Variants in PCDH15 observed in about 807,000 individuals in gnomAD.
PCDH15 encodes protocadherin related 15.
Under a neutral mutation model 178.5 loss-of-function variants are expected in PCDH15, and 129 were observed. That is an observed-to-expected ratio of 0.72 (90% CI 0.63 to 0.84). The LOEUF (loss-of-function observed/expected upper bound fraction) is 0.84. Ranked by LOEUF, PCDH15 falls within the 40% of genes least tolerant of loss-of-function variation. The pLI, the probability that PCDH15 is intolerant of heterozygous loss-of-function variation, is 0.00. For synonymous variants in PCDH15, 800 were observed against 732.0 expected, an observed-to-expected ratio of 1.09 and a Z score of -1.50; for missense variants, 2,230 against 2,099.9, an observed-to-expected ratio of 1.06 and a Z score of -1.21.
At chr10:54,187,735 TTTAG>T (rs2048605159) in intron 11 of PCDH15, among the ~76,000 whole-genome samples, 3 of 151,874 alleles carry the variant, frequency 2.0e-5, no homozygotes, top group Admixed American at 2.0e-4. Flanking sequence ...TTCTGTTTTG[TTTAG>T]TTAATCTCTG....
intron 1 of PCDH15, among the ~76,000 whole-genome samples, chr10:55,237,711 T>C (rs911629164): frequency 1.3e-5 from 2 of 152,124 alleles, no homozygotes; most frequent in Non-Finnish European, 2.9e-5. Flanking sequence ...ATGATACTTA[T>C]TATGCCTTAT....
At chr10:54,644,118 T>C (rs951698076) in intron 2 of PCDH15, among the ~76,000 whole-genome samples, 56 of 150,834 alleles carry the variant, frequency 3.7e-4, no homozygotes, top group African/African-American at 1.3e-3. Context: ...GATTTCCAAT[T>C]TCATCCATGT....
At chr10:54,345,104 T>A (rs1943027280) in intron 6 of PCDH15, among the ~76,000 whole-genome samples, 1 of 151,686 alleles carries the variant, frequency 6.6e-6, no homozygotes, top group Non-Finnish European at 1.5e-5. Context: ...GAAGTAGTTT[T>A]CTAATATGAC....
At chr10:54,961,122 A>T (rs1322008367) in intron 2 of PCDH15, among the ~76,000 whole-genome samples, 1 of 152,242 alleles carries the variant, frequency 6.6e-6, no homozygotes, top group East Asian at 1.9e-4. Flanking sequence ...CAGTGATGCC[A>T]GCTGCAGTGT....
At chr10:54,972,158 C>A (rs1027839269) in intron 2 of PCDH15, among the ~76,000 whole-genome samples, 1 of 152,138 alleles carries the variant, frequency 6.6e-6, no homozygotes, top group African/African-American at 2.4e-5. Context: ...CAAGATACAC[C>A]AAATTATAAA....
intron 15 of PCDH15, among the ~76,000 whole-genome samples, chr10:54,103,233 G>A (rs1272399906): frequency 6.6e-6 from 1 of 152,174 alleles, no homozygotes; most frequent in Non-Finnish European, 1.5e-5. Context: ...AAGTAGGAAT[G>A]CAGTAGGCTT....
At chr10:55,212,637 TG>T (rs1263678027) in intron 1 of PCDH15, among the ~76,000 whole-genome samples, 8 of 152,048 alleles carry the variant, frequency 5.3e-5, no homozygotes, top group Non-Finnish European at 1.0e-4. Flanking sequence ...CAGTCAGGGA[TG>T]TTCCTGCTCT....
chr10:54,068,841 T>A (rs115643917), intron 17 of PCDH15, among the ~76,000 whole-genome samples: 1,668 of 152,224 alleles, frequency 0.011, 36 homozygotes, highest in African/African-American at 0.038. Flanking sequence ...TGTGCATTAG[T>A]CTGTGTGTTA....
chr10:55,112,421 T>C (rs559027279), intron 2 of PCDH15, among the ~76,000 whole-genome samples: 11 of 150,734 alleles, frequency 7.3e-5, no homozygotes, highest in South Asian at 2.1e-4. Context: ...AGCAGGAAAA[T>C]AGGAAAAATG....
At chr10:54,541,706 TCAAA>T (rs535800757) in intron 2 of PCDH15, among the ~76,000 whole-genome samples, 344 of 152,318 alleles carry the variant, frequency 2.3e-3, no homozygotes, top group African/African-American at 7.8e-3. Context: ...AAATTATTCA[TCAAA>T]CACTTTATGA....
intron 2 of PCDH15, among the ~76,000 whole-genome samples, chr10:55,529,099 T>A (rs1826569314): frequency 1.3e-5 from 2 of 152,132 alleles, no homozygotes; most frequent in Non-Finnish European, 2.9e-5. Context: ...GTAAATTTGT[T>A]TGAGTTCTTT....
chr10:55,242,515 C>T (rs1321451169), intron 1 of PCDH15, among the ~76,000 whole-genome samples: 1 of 152,022 alleles, frequency 6.6e-6, no homozygotes, highest in Admixed American at 6.6e-5. Context: ...TTTGTGTTTG[C>T]TTTCCTTTCA....
chr10:55,573,407 A>G (rs1039556151), intron 2 of PCDH15, among the ~76,000 whole-genome samples: 1 of 152,094 alleles, frequency 6.6e-6, no homozygotes, highest in Non-Finnish European at 1.5e-5. Context: ...GTCTTTCAAG[A>G]TGAAGCTTCT....
rs751844040 is a variant in PCDH15, at chr10:54,724,506, C to CAT, written c.-28-60218_-28-60217dup. Among the ~76,000 whole-genome samples the CAT allele has an allele frequency of 1.3e-3, 200 of 151,248 alleles. 2 individuals carry two copies. Among genetic ancestry groups the CAT allele is most frequent in the Non-Finnish European group, 2.2e-3 (149 of 67,670 alleles). Reference sequence around the variant, plus strand: ...ACAATATAATTATGTAACAAATATGCATATATACCCCCGAATCTAAAATAA... The same window carrying CAT: ...ACAATATAATTATGTAACAAATATGCATATATATACCCCCGAATCTAAAATAA... On this transcript the variant is annotated intron_variant, in intron 1 of 37. Transcript: ENST00000644397.
intron 1 of PCDH15, among the ~76,000 whole-genome samples, chr10:54,724,057 G>T (rs183293535): frequency 1.3e-5 from 2 of 151,628 alleles, no homozygotes; most frequent in African/African-American, 4.8e-5. Flanking sequence ...CAAAGGTAAA[G>T]AAATCACTGT....
intron 1 of PCDH15, among the ~76,000 whole-genome samples, chr10:54,687,726 C>T (rs74136244): frequency 2.1e-3 from 317 of 152,094 alleles, no homozygotes; most frequent in African/African-American, 7.4e-3. Context: ...TTCACTGAAC[C>T]CCACCCTGCT....
At chr10:55,607,787 T>C (rs1203237910) in intron 2 of PCDH15, among the ~76,000 whole-genome samples, 2 of 144,918 alleles carry the variant, frequency 1.4e-5, no homozygotes, top group Admixed American at 6.9e-5. Flanking sequence ...TTGGGAGATA[T>C]ACCTAATGCT....
intron 2 of PCDH15, among the ~76,000 whole-genome samples, chr10:54,912,985 C>T (rs1475515109): frequency 6.6e-6 from 1 of 152,114 alleles, no homozygotes; most frequent in Non-Finnish European, 1.5e-5. Flanking sequence ...AAAGCCTACA[C>T]TCATCTGCAT....
At chr10:55,103,196 G>A (rs1361947435) in intron 2 of PCDH15, among the ~76,000 whole-genome samples, 1 of 151,032 alleles carries the variant, frequency 6.6e-6, no homozygotes. Flanking sequence ...TTCAGCGCCA[G>A]TGATATCATG....
Sources: allele counts gnomAD v4.1 joint callset (sites outside exome capture counted in the v4.1 genomes callset), GRCh38; gene constraint gnomAD v4.1.1; transcripts MANE v1.5; gene names NCBI Gene and HGNC (gene_info 2026-07-23, HGNC 2026-07-21).